Variants in TUB observed in about 807,000 individuals in gnomAD.
The protein encoded by TUB is tubby protein homolog.
Under a neutral mutation model 59.7 loss-of-function variants are expected in TUB, and 33 were observed. The observed-to-expected ratio is 0.55, with a 90% confidence interval of 0.42 to 0.74. The LOEUF is 0.74. Ranked by LOEUF, TUB falls within the 30% of genes least tolerant of loss-of-function variation. TUB has a pLI of 0.00. For missense variants in TUB, 659 were observed against 672.0 expected (o/e 0.98, Z 0.21); for synonymous variants, 293 against 256.4 (o/e 1.14, Z -1.36).
At chr11:8,080,420 C>T (rs1943526631), upstream of TUB, among the ~76,000 whole-genome samples, 1 of 152,228 alleles carries the variant, frequency 6.6e-6, no homozygotes, top group Admixed American at 6.5e-5. Flanking sequence ...GCCAGGACCT[C>T]CTCAGCGCGC....
Position 8,101,610 on chromosome 11 carries a change from G to C in TUB, c.1512G>C (p.Ala504=). The stretch of plus-strand genomic sequence containing the variant: ...TGTCCAGCTTCGACAGCAAGCTGGC[G>C]TGCGAGTAGAGGCCTCTTCGTGCCC... ...IALSSFDSKL[A]CE The change falls in exon 12 of 12, where the codon GCG becomes GCC. Residue 504 remains alanine (A), a synonymous_variant. Coordinates refer to ENST00000299506, the MANE Select transcript of TUB (RefSeq NM_177972.3). The C allele has an allele frequency of 6.2e-7, 1 of 1,614,228 alleles. No homozygotes were observed. The highest frequency in any genetic ancestry group is 8.5e-7 in the Non-Finnish European group (1 of 1,180,030).
At chr11:8,036,718 C>G (rs1160936895), upstream of TUB, among the ~76,000 whole-genome samples, 1 of 152,212 alleles carries the variant, frequency 6.6e-6, no homozygotes, top group Non-Finnish European at 1.5e-5. Flanking sequence ...CCCCAGGGAG[C>G]TATGACCCTT....
At position 8,100,612 on chromosome 11, in the gene TUB, AC is replaced by A. The variant is rs1304635741; in HGVS notation, c.1215+15del. ...ATCCGCCCCCGCAACGTGAGTGTCT[AC>A]CCCTTCCTCCCCTCTTTCCCCATCA... is the stretch of plus-strand genomic sequence containing the variant. On this transcript the variant is annotated intron_variant, in intron 10 of 11. Coordinates refer to ENST00000299506, the MANE Select transcript of TUB (RefSeq NM_177972.3). 6.8e-6 allele frequency: 11 copies of A among 1,611,224 alleles called. No homozygotes were observed. The highest frequency in any genetic ancestry group is 9.3e-6 in the Non-Finnish European group (11 of 1,177,870).
intron 1 of TUB, among the ~76,000 whole-genome samples, chr11:8,086,272 A>C (rs571814272): frequency 9.2e-5 from 14 of 152,214 alleles, no homozygotes; most frequent in South Asian, 4.1e-4. Context: ...AGGTCAGCCT[A>C]GAACAGGGCC....
At chr11:8,067,024 C>T (rs1490756346) in intron 2 of TUB, among the ~76,000 whole-genome samples, 3 of 152,172 alleles carry the variant, frequency 2.0e-5, no homozygotes, top group African/African-American at 7.2e-5. Flanking sequence ...GACCTCCATC[C>T]TGCCCCTCCC....
chr11:8,037,892 T>C (rs1456456262), upstream of TUB, among the ~76,000 whole-genome samples: 4 of 152,032 alleles, frequency 2.6e-5, no homozygotes, highest in East Asian at 5.8e-4. Flanking sequence ...AGGAGCAAGT[T>C]AGGTGTAGAT....
At chr11:8,096,640 T>G (rs765186118) in intron 5 of TUB, 45 bp from the exon 6 acceptor site, 56 of 1,332,306 alleles carry the variant, frequency 4.2e-5, no homozygotes, top group Non-Finnish European at 6.0e-5. Context: ...AGGGGCAGCG[T>G]AGACTTCTCC....
At chr11:8,042,412 A>T (rs1398989274) in intron 2 of TUB, among the ~76,000 whole-genome samples, 1 of 152,138 alleles carries the variant, frequency 6.6e-6, no homozygotes. Context: ...CATTTTAGCT[A>T]TTATAAATAA....
intron 3 of TUB, among the ~76,000 whole-genome samples, chr11:8,092,003 TTG>T (rs1478501195): frequency 6.6e-6 from 1 of 152,228 alleles, no homozygotes; most frequent in Non-Finnish European, 1.5e-5. Flanking sequence ...CCCTGCCAAT[TTG>T]TGCCAGAGGC....
upstream of TUB, among the ~76,000 whole-genome samples, chr11:8,034,964 G>A (rs1420783498): frequency 6.6e-6 from 1 of 152,146 alleles, no homozygotes; most frequent in African/African-American, 2.4e-5. Context: ...TCTGTGAAGG[G>A]GACAGATGGG....
chr11:8,056,250 C>G (rs887512081), intron 2 of TUB, among the ~76,000 whole-genome samples: 1 of 152,164 alleles, frequency 6.6e-6, no homozygotes, highest in Non-Finnish European at 1.5e-5. Context: ...CAGGATGCCC[C>G]TCACTCTCCT....
intron 11 of TUB, 76 bp from the exon 12 acceptor site, chr11:8,101,410 G>A: frequency 1.3e-6 from 2 of 1,572,814 alleles, no homozygotes; most frequent in African/African-American, 1.3e-5. Context: ...TGTGGTTTGG[G>A]TGTCTGTCTA....
chr11:8,052,602 C>T (rs1260613179), intron 2 of TUB, among the ~76,000 whole-genome samples: 1 of 151,566 alleles, frequency 6.6e-6, no homozygotes, highest in Non-Finnish European at 1.5e-5. Context: ...CTCATGTAGC[C>T]GGGACTACAG....
chr11:8,019,858 T>TA (rs1247504146), intron 1 of TUB, among the ~76,000 whole-genome samples: 8 of 152,114 alleles, frequency 5.3e-5, no homozygotes, highest in African/African-American at 1.9e-4. Flanking sequence ...GACCCGCGAG[T>TA]CGCTGCCTGT....
At chr11:8,092,939 C>G (rs552351161) in intron 3 of TUB, among the ~76,000 whole-genome samples, 11 of 152,260 alleles carry the variant, frequency 7.2e-5, no homozygotes, top group Admixed American at 2.0e-4. Flanking sequence ...GACCTGCTGG[C>G]TATACTCATT....
chr11:8,091,023 C>T (rs1943760947), intron 3 of TUB, among the ~76,000 whole-genome samples: 3 of 152,084 alleles, frequency 2.0e-5, no homozygotes, highest in African/African-American at 7.2e-5. Context: ...AAAAAGGTTG[C>T]AGGCATCTGG....
At position 8,100,935 on chromosome 11, in the gene TUB, A is replaced by C; in HGVS notation, c.1325A>C (p.Asn442Thr). The stretch of plus-strand genomic sequence containing the variant: ...GATGACACACAGTCCTATGTACTCA[A>C]CTTCCATGGGCGCGTCACACAGGCC... Reference protein sequence around the residue: ...WNDDTQSYVLNFHGRVTQASV... With the variant: ...WNDDTQSYVLTFHGRVTQASV... Residue 442 changes from asparagine to threonine, a missense_variant, in exon 11 of 12, where the codon AAC (asparagine) becomes ACC (threonine). Asn to Thr is a moderately conservative substitution (Grantham distance 65, BLOSUM62 0). Coordinates refer to ENST00000299506, the MANE Select transcript of TUB (RefSeq NM_177972.3). 1.2e-6 allele frequency: 2 copies of C among 1,614,176 alleles called. No individual in the cohort carries two copies. Among genetic ancestry groups the C allele is most frequent in the South Asian group, 1.1e-5 (1 of 91,082 alleles).
At chr11:8,044,122 G>A (rs74052191) in intron 2 of TUB, among the ~76,000 whole-genome samples, 3,046 of 152,154 alleles carry the variant, frequency 0.02, 106 homozygotes, top group African/African-American at 0.071. Context: ...TGGGTATATG[G>A]TGTTCATTAA....
chr11:8,027,167 C>T (rs190826883), intron 1 of TUB, among the ~76,000 whole-genome samples: 12 of 152,270 alleles, frequency 7.9e-5, no homozygotes, highest in African/African-American at 2.9e-4. Flanking sequence ...AAGTCCGTGG[C>T]ATCAGTTACA....
Sources: allele counts gnomAD v4.1 joint callset (sites outside exome capture counted in the v4.1 genomes callset), GRCh38; gene constraint gnomAD v4.1.1; transcripts MANE v1.5; gene names NCBI Gene and HGNC (gene_info 2026-07-23, HGNC 2026-07-21).